KAZN: variants seen among roughly 807,000 people sequenced by gnomAD.
The protein encoded by KAZN is kazrin, periplakin interacting protein.
In KAZN, 40 loss-of-function variants were observed where a neutral mutation model predicts 87.4. The ratio of observed to expected loss-of-function variants is 0.46; its 90% CI spans 0.36 to 0.60. The LOEUF is 0.60. KAZN is among the 20% of genes least tolerant of loss of function. The pLI is 0.00. For synonymous variants in KAZN, 466 were observed against 458.3 expected (o/e 1.02, Z -0.22); for missense variants, 898 against 1,073.9 (o/e 0.84, Z 2.29).
At chr1:13,909,986 A>T (rs1484716633) in intron 1 of KAZN, among the ~76,000 whole-genome samples, 1 of 152,148 alleles carries the variant, frequency 6.6e-6, no homozygotes, top group African/African-American at 2.4e-5. Context: ...AAGGGCCCAG[A>T]TGCCACTCCC....
intron 1 of KAZN, among the ~76,000 whole-genome samples, chr1:14,750,444 C>T (rs555980344): frequency 1.4e-3 from 206 of 152,260 alleles, no homozygotes; most frequent in Non-Finnish European, 1.9e-3. Context: ...ATTCCAGGTA[C>T]GAACACTGAG....
chr1:14,998,167 C>T (rs1369858444), intron 2 of KAZN, among the ~76,000 whole-genome samples: 3 of 151,778 alleles, frequency 2.0e-5, no homozygotes, highest in African/African-American at 4.8e-5. Context: ...AGGGGCAGCG[C>T]GGGGGGTGCT....
At chr1:14,944,301 T>G (rs1661485186) in intron 1 of KAZN, among the ~76,000 whole-genome samples, 1 of 151,804 alleles carries the variant, frequency 6.6e-6, no homozygotes, top group Non-Finnish European at 1.5e-5. Flanking sequence ...ACTAAACTGC[T>G]GAAACTCTGT....
At chr1:14,709,247 C>G (rs12090443) in intron 1 of KAZN, among the ~76,000 whole-genome samples, 3,403 of 152,282 alleles carry the variant, frequency 0.022, 143 homozygotes, top group African/African-American at 0.078. Flanking sequence ...AGCCCAAACT[C>G]TTGGCTTGAA....
At chr1:14,824,191 G>A (rs781763803) in intron 1 of KAZN, among the ~76,000 whole-genome samples, 2 of 151,908 alleles carry the variant, frequency 1.3e-5, no homozygotes, top group Admixed American at 6.6e-5. Context: ...AGGCAGGGGT[G>A]CAGCGTGATG....
chr1:14,646,480 G>A (rs34645579), intron 1 of KAZN, among the ~76,000 whole-genome samples: 26,892 of 152,140 alleles, frequency 0.18, 2,541 homozygotes, highest in South Asian at 0.26. Context: ...GGGAAGCTGG[G>A]GGTAACTGGA....
chr1:14,311,640 G>A (rs1312327458), intron 2 of KAZN, among the ~76,000 whole-genome samples: 1 of 152,140 alleles, frequency 6.6e-6, no homozygotes, highest in Non-Finnish European at 1.5e-5. Flanking sequence ...AAAGACAGAG[G>A]CCTTCCTGAT....
At chr1:14,438,923 A>AACAGGT (rs1666548662) in intron 2 of KAZN, among the ~76,000 whole-genome samples, 1 of 152,146 alleles carries the variant, frequency 6.6e-6, no homozygotes, top group African/African-American at 2.4e-5. Context: ...CACCTCTTCT[A>AACAGGT]ACAGGTCTTC....
intron 1 of KAZN, among the ~76,000 whole-genome samples, chr1:14,051,505 G>T (rs894517693): frequency 6.6e-6 from 1 of 152,224 alleles, no homozygotes; most frequent in Non-Finnish European, 1.5e-5. Flanking sequence ...TGCACTGCAA[G>T]GTATTGAATT....
chr1:14,475,102 C>T (rs578021139), intron 2 of KAZN, among the ~76,000 whole-genome samples: 77 of 150,966 alleles, frequency 5.1e-4, no homozygotes, highest in African/African-American at 1.6e-3. Flanking sequence ...GCATAGATGA[C>T]GGATGAATGG....
chr1:13,940,162 G>A (rs535529293), intron 1 of KAZN, among the ~76,000 whole-genome samples: 25 of 152,256 alleles, frequency 1.6e-4, no homozygotes, highest in African/African-American at 6.0e-4. Flanking sequence ...TGAGTTAGGA[G>A]GATTCCCTCC....
intron 2 of KAZN, among the ~76,000 whole-genome samples, chr1:14,268,304 C>T (rs1208889429): frequency 2.0e-5 from 3 of 152,086 alleles, no homozygotes; most frequent in African/African-American, 7.2e-5. Context: ...ATTCCAAGGC[C>T]CGTTGCAGTG....
chr1:14,222,188 A>G (rs1647116369), intron 2 of KAZN: 1 of 152,008 alleles, frequency 6.6e-6, no homozygotes, highest in African/African-American at 2.4e-5. Context: ...AGAAGTTCTG[A>G]CTCCAGATAG....
chr1:14,055,561 A>C (rs866780014), intron 1 of KAZN, among the ~76,000 whole-genome samples: 1 of 152,208 alleles, frequency 6.6e-6, no homozygotes, highest in Non-Finnish European at 1.5e-5. Context: ...AGCTGTGTTT[A>C]GCAGGGAGTG....
chr1:15,008,625 T>G (rs1486201067), intron 2 of KAZN, among the ~76,000 whole-genome samples: 3 of 152,244 alleles, frequency 2.0e-5, no homozygotes, highest in Non-Finnish European at 2.9e-5. Flanking sequence ...TTATGTGACC[T>G]GCACAGGTGC....
At chr1:14,579,352 G>A (rs534161811) in intron 2 of KAZN, among the ~76,000 whole-genome samples, 6 of 152,248 alleles carry the variant, frequency 3.9e-5, no homozygotes, top group Admixed American at 1.3e-4. Flanking sequence ...TAGTCTGGGC[G>A]TGGTGGCTCA....
chr1:14,096,667 G>A (rs1376169082), intron 1 of KAZN, among the ~76,000 whole-genome samples: 2 of 152,198 alleles, frequency 1.3e-5, no homozygotes, highest in Non-Finnish European at 2.9e-5. Flanking sequence ...ATAGGAGAGG[G>A]CACTTGAGTT....
chr1:14,473,101 G>C (rs1355004582), intron 2 of KAZN, among the ~76,000 whole-genome samples: 1 of 152,110 alleles, frequency 6.6e-6, no homozygotes, highest in African/African-American at 2.4e-5. Context: ...TCAGGGAATG[G>C]AAACATGGTC....
intron 2 of KAZN, among the ~76,000 whole-genome samples, chr1:14,358,650 CTTAT>C (rs1182509370): frequency 6.6e-6 from 1 of 152,070 alleles, no homozygotes; most frequent in African/African-American, 2.4e-5. Context: ...TTTCAAATAA[CTTAT>C]TTATTTCTGC....
Sources: allele counts gnomAD v4.1 joint callset (sites outside exome capture counted in the v4.1 genomes callset), GRCh38; gene constraint gnomAD v4.1.1; transcripts MANE v1.5; gene names NCBI Gene and HGNC (gene_info 2026-07-23, HGNC 2026-07-21).